RNF130: variants seen among roughly 807,000 people sequenced by gnomAD.
The protein encoded by RNF130 is ring finger protein 130, also known as E3 ubiquitin-protein ligase RNF130.
Under a neutral mutation model 44.6 loss-of-function variants are expected in RNF130, and 21 were observed. The observed-to-expected ratio is 0.47, with a 90% confidence interval of 0.33 to 0.68. The LOEUF is 0.68. RNF130 is among the 30% of genes least tolerant of loss of function. RNF130 has a pLI of 0.02. For synonymous variants in RNF130, 214 were observed against 210.4 expected (o/e 1.02, Z -0.15); for missense variants, 479 against 560.6 (o/e 0.85, Z 1.47).
At chr5:179,949,651 G>A (rs1169985090) in intron 7 of RNF130, among the ~76,000 whole-genome samples, 1 of 152,106 alleles carries the variant, frequency 6.6e-6, no homozygotes, top group African/African-American at 2.4e-5. Flanking sequence ...TTTATACATT[G>A]CTTCTATTTG....
At chr5:179,950,263 C>A (rs1320812082), downstream of RNF130, among the ~76,000 whole-genome samples, 1 of 151,904 alleles carries the variant, frequency 6.6e-6, no homozygotes, top group East Asian at 1.9e-4. Context: ...ATTATAGGCA[C>A]CTGCCACCAC....
chr5:179,941,216 GT>G (rs1207747402), intron 7 of RNF130, among the ~76,000 whole-genome samples: 1 of 152,166 alleles, frequency 6.6e-6, no homozygotes, highest in East Asian at 1.9e-4. Context: ...CGTTTGGTTG[GT>G]TTTTAATGGA....
chr5:180,031,340 A>C (rs1047900508), intron 2 of RNF130, among the ~76,000 whole-genome samples: 2 of 152,156 alleles, frequency 1.3e-5, no homozygotes, highest in Non-Finnish European at 2.9e-5. Context: ...TACAAAAATT[A>C]GCTGGGCATG....
chr5:180,067,758 T>C (rs950188310), intron 1 of RNF130, among the ~76,000 whole-genome samples: 2 of 152,240 alleles, frequency 1.3e-5, no homozygotes, highest in Non-Finnish European at 2.9e-5. Flanking sequence ...ATATCCTTTT[T>C]CTCTGAATAT....
intron 1 of RNF130, among the ~76,000 whole-genome samples, chr5:180,047,087 T>C (rs1434690797): frequency 6.6e-6 from 1 of 152,186 alleles, no homozygotes; most frequent in Non-Finnish European, 1.5e-5. Flanking sequence ...AAAATAAAAA[T>C]GAGACTAATT....
intron 7 of RNF130, among the ~76,000 whole-genome samples, chr5:179,937,937 A>T (rs202063179): frequency 0.12 from 10,024 of 83,272 alleles, 276 homozygotes; most frequent in South Asian, 0.19. Flanking sequence ...TGTGTGTGAG[A>T]GAGAGAGAGA....
chr5:179,912,720 A>G (rs1440522907), exon 8 of RNF130: 1 of 152,208 alleles, frequency 6.6e-6, no homozygotes, highest in Non-Finnish European at 1.5e-5. Context: ...GGTATATTCT[A>G]CCTAACCACC....
intron 5 of RNF130, among the ~76,000 whole-genome samples, chr5:179,975,312 A>C (rs977440612): frequency 6.6e-6 from 1 of 152,200 alleles, no homozygotes; most frequent in Non-Finnish European, 1.5e-5. Flanking sequence ...TCCTCAGCTC[A>C]GCGGTTCTCA....
chr5:179,923,082 T>C (rs1000340301), intron 7 of RNF130, among the ~76,000 whole-genome samples: 3 of 152,202 alleles, frequency 2.0e-5, no homozygotes, highest in African/African-American at 7.2e-5. Flanking sequence ...TTTTTTCCTA[T>C]TATAGTTTGT....
At chr5:179,923,924 G>A (rs1447731772) in intron 7 of RNF130, among the ~76,000 whole-genome samples, 2 of 152,186 alleles carry the variant, frequency 1.3e-5, no homozygotes, top group African/African-American at 2.4e-5. Context: ...GGAGGTTTGC[G>A]CATATAATCT....
intron 1 of RNF130, among the ~76,000 whole-genome samples, chr5:180,057,738 G>A (rs923298232): frequency 6.6e-6 from 1 of 152,124 alleles, no homozygotes; most frequent in African/African-American, 2.4e-5. Flanking sequence ...CTCTTAATTT[G>A]TATCTTACAT....
At chr5:179,942,599 G>A (rs1345109494) in intron 7 of RNF130, among the ~76,000 whole-genome samples, 1 of 152,088 alleles carries the variant, frequency 6.6e-6, no homozygotes, top group Non-Finnish European at 1.5e-5. Flanking sequence ...TTGTTGATGC[G>A]GATGCAAAAA....
intron 1 of RNF130, among the ~76,000 whole-genome samples, chr5:180,053,824 TC>T (rs753130544): frequency 0.14 from 15,546 of 113,452 alleles, 977 homozygotes; most frequent in South Asian, 0.32. Context: ...GCAAATACAT[TC>T]TTTTTTTTTT....
chr5:180,038,325 G>T (rs963637754), intron 2 of RNF130, among the ~76,000 whole-genome samples: 9 of 151,202 alleles, frequency 6.0e-5, no homozygotes, highest in African/African-American at 1.9e-4. Flanking sequence ...CAGGCTCAGG[G>T]ATCCATGATC....
chr5:179,929,930 C>T (rs569769829), intron 7 of RNF130, among the ~76,000 whole-genome samples: 24 of 152,260 alleles, frequency 1.6e-4, no homozygotes, highest in Admixed American at 3.9e-4. Context: ...TAATTTCTCT[C>T]GATAACACAT....
chr5:180,041,744 C>T (rs999124272), intron 1 of RNF130, among the ~76,000 whole-genome samples: 3 of 152,146 alleles, frequency 2.0e-5, no homozygotes, highest in Admixed American at 6.6e-5. Flanking sequence ...GGGAACACAG[C>T]GCATGGATCT....
chr5:180,021,752 T>C (rs1198850965), intron 2 of RNF130, among the ~76,000 whole-genome samples: 1 of 152,180 alleles, frequency 6.6e-6, no homozygotes, highest in African/African-American at 2.4e-5. Flanking sequence ...GAATATGTGG[T>C]ATTTTCCTAC....
chr5:180,046,399 A>C (rs1238656556), intron 1 of RNF130, among the ~76,000 whole-genome samples: 1 of 151,966 alleles, frequency 6.6e-6, no homozygotes, highest in African/African-American at 2.4e-5. Flanking sequence ...TCTCACCACC[A>C]GTCTGAAACT....
intron 1 of RNF130, among the ~76,000 whole-genome samples, chr5:180,043,123 G>A (rs939164429): frequency 2.6e-5 from 4 of 152,130 alleles, no homozygotes; most frequent in African/African-American, 9.7e-5. Flanking sequence ...TTCAAGACTA[G>A]CCTGGGCACA....
Sources: allele counts gnomAD v4.1 joint callset (sites outside exome capture counted in the v4.1 genomes callset), GRCh38; gene constraint gnomAD v4.1.1; transcripts MANE v1.5; gene names NCBI Gene and HGNC (gene_info 2026-07-23, HGNC 2026-07-21).